Variants in AP3D1 observed in about 807,000 individuals in gnomAD.
AP3D1 encodes AP-3 complex subunit delta-1.
Under a neutral mutation model 147.6 loss-of-function variants are expected in AP3D1, and 51 were observed. The ratio of observed to expected loss-of-function variants is 0.35; its 90% confidence interval spans 0.28 to 0.44. The LOEUF is 0.44. Among genes scored for constraint, AP3D1 ranks in the 20% least tolerant of loss-of-function variants. The pLI, the probability that AP3D1 is intolerant of heterozygous loss-of-function variation, is 1.00. For synonymous variants in AP3D1, 760 were observed against 663.0 expected (o/e 1.15, Z -2.25); for missense variants, 1,421 against 1,624.2 (o/e 0.87, Z 2.15).
At chr19:2,104,310 GCAGACCCCAACACC>G (rs1264836086) in intron 31 of AP3D1, among the ~76,000 whole-genome samples, 5 of 61,328 alleles carry the variant, frequency 8.2e-5, no homozygotes, top group East Asian at 3.8e-4. Context: ...ACACCAACAC[GCAGACCCCAACACC>G]CAGACCCCAA....
At chr19:2,150,362 G>A (rs1240490270) in intron 1 of AP3D1, among the ~76,000 whole-genome samples, 2 of 152,220 alleles carry the variant, frequency 1.3e-5, no homozygotes, top group East Asian at 1.9e-4. Context: ...AATGAAGCCA[G>A]ACACGTGGTG....
intron 31 of AP3D1, among the ~76,000 whole-genome samples, chr19:2,107,672 G>A (rs2018149741): frequency 6.6e-6 from 1 of 151,540 alleles, no homozygotes; most frequent in Non-Finnish European, 1.5e-5. Context: ...CCAGGGAGGC[G>A]GAGCTTGCAG....
Position 2,120,941 on chromosome 19 carries a change from G to C in AP3D1, c.1402C>G (p.Leu468Val). 1.2e-6 allele frequency: 2 copies of C among 1,612,058 alleles called. No homozygotes were observed. The highest frequency in any genetic ancestry group is 8.5e-7 in the Non-Finnish European group (1 of 1,180,014). Residue 468 changes from leucine to valine, a missense_variant, in exon 14 of 32, where the codon CTG becomes GTG. This residue lies in a region of AP3D1 where 310 missense variants were observed against 388.1 expected (regional missense o/e 0.80). Transcript: ENST00000643116. ...TTCCGCTGGGTGCTGCTGGCCAGCA[G>C]GTGTGCACTGTCAAGCAGCGCAGAC... ...QMSALLDSAHLLASSTQRNGI... is the reference protein window; with the variant it reads ...QMSALLDSAHVLASSTQRNGI...
In AP3D1 at chr19:2,129,306, G is replaced by A. The variant is rs750838167; in HGVS notation, c.732+12C>T. 4 of 1,613,740 alleles carry A rather than the reference G, an allele frequency of 2.5e-6. No homozygotes were observed. The Admixed American group carries it at 5.0e-5, about 20-fold the overall frequency. Reference sequence around the variant, plus strand: ...ACAGGGTGAGGAGGCCACATTCCCGGGCAGTACTTGCCAGCTTGATGATCT... The same window carrying A: ...ACAGGGTGAGGAGGCCACATTCCCGAGCAGTACTTGCCAGCTTGATGATCT... On this transcript the variant is annotated intron_variant, in intron 7 of 31. Transcript: ENST00000643116.
chr19:2,116,577 G>T (rs1474374705), intron 17 of AP3D1, 28 bp downstream of exon 17: 8 of 1,553,608 alleles, frequency 5.1e-6, no homozygotes, highest in Non-Finnish European at 6.9e-6. Context: ...AGGAGACGAG[G>T]GCTCGCCAGG....
rs1023619216 is a variant in AP3D1 at position 2,129,881 on chromosome 19, G to T, written c.593-424C>A. Among the ~76,000 whole-genome samples, 5 of 152,276 alleles carry T rather than the reference G, an allele frequency of 3.3e-5. No homozygotes were observed. The East Asian group carries it at 9.6e-4, about 29-fold the overall frequency. On this transcript the variant is annotated intron_variant, in intron 6 of 31. Transcript: ENST00000643116. ...ATCGGGTCCCGGGCTTAGGGCTGGG[G>T]TCTCCCCTCCTGCACACAGGGCCTT...
upstream of AP3D1, among the ~76,000 whole-genome samples, chr19:2,154,491 A>ATGG (rs2019629493): frequency 6.6e-6 from 1 of 151,912 alleles, no homozygotes; most frequent in South Asian, 2.1e-4. Flanking sequence ...GTTGGCCAGG[A>ATGG]TGGTCTCGAT....
chr19:2,156,622 G>A (rs187878341), intron 1 of AP3D1, among the ~76,000 whole-genome samples: 2,080 of 152,006 alleles, frequency 0.014, 31 homozygotes, highest in Middle Eastern at 0.027. Flanking sequence ...AGGTTGAGGC[G>A]GGTGGATCAT....
chr19:2,141,157 T>C (rs999815436), intron 1 of AP3D1, among the ~76,000 whole-genome samples: 1 of 152,178 alleles, frequency 6.6e-6, no homozygotes, highest in African/African-American at 2.4e-5. Context: ...GAAGCTATAA[T>C]GTGGCTATAC....
intron 2 of AP3D1, among the ~76,000 whole-genome samples, chr19:2,138,198 G>A (rs1408120588): frequency 6.6e-6 from 1 of 152,216 alleles, no homozygotes; most frequent in African/African-American, 2.4e-5. Context: ...CGGGCCAGAG[G>A]GAGGAGTGCC....
chr19:2,129,192 C>T (rs2018862110), intron 7 of AP3D1, 29 bp from the exon 8 acceptor site: 4 of 1,606,890 alleles, frequency 2.5e-6, no homozygotes, highest in African/African-American at 1.4e-5. Flanking sequence ...CTCGGTCACC[C>T]GCAGGGAATG....
intron 1 of AP3D1, among the ~76,000 whole-genome samples, chr19:2,145,357 C>T (rs981235494): frequency 4.6e-5 from 7 of 152,342 alleles, no homozygotes; most frequent in Non-Finnish European, 1.0e-4. Flanking sequence ...CTCACTGCCA[C>T]GTGGACAAAT....
upstream of AP3D1, among the ~76,000 whole-genome samples, chr19:2,155,781 G>A (rs891200133): frequency 6.6e-6 from 1 of 152,092 alleles, no homozygotes; most frequent in South Asian, 2.1e-4. Flanking sequence ...GGCCGGGCGC[G>A]GTGGCTCACG....
intron 1 of AP3D1, among the ~76,000 whole-genome samples, chr19:2,139,966 G>T (rs1017772204): frequency 6.6e-6 from 1 of 152,020 alleles, no homozygotes; most frequent in South Asian, 2.1e-4. Context: ...GTGGGGGAGT[G>T]GGGGGGTGGG....
At chr19:2,164,323 G>C (rs1300548492) in intron 1 of AP3D1, 5 of 1,192,570 alleles carry the variant, frequency 4.2e-6, no homozygotes, top group South Asian at 8.3e-5. Flanking sequence ...GCCGCCCCTG[G>C]GGACACCCCA....
intron 8 of AP3D1, among the ~76,000 whole-genome samples, chr19:2,128,256 A>G (rs1210613168): frequency 6.6e-6 from 1 of 152,104 alleles, no homozygotes; most frequent in African/African-American, 2.4e-5. Flanking sequence ...CCATTCCACA[A>G]CCTTGCAGTG....
At chr19:2,126,917 G>T (rs2145093916) in intron 9 of AP3D1, among the ~76,000 whole-genome samples, 1 of 152,238 alleles carries the variant, frequency 6.6e-6, no homozygotes. Flanking sequence ...GGCAGCTTAA[G>T]AAGCAAACAC....
At chr19:2,139,860 A>C (rs2019173571) in intron 1 of AP3D1, among the ~76,000 whole-genome samples, 1 of 152,102 alleles carries the variant, frequency 6.6e-6, no homozygotes, top group Admixed American at 6.5e-5. Context: ...GCTGGCCTCG[A>C]AGCAGCCCCA....
At chr19:2,118,958 G>A in intron 14 of AP3D1, 126 bp from the exon 15 acceptor site, 1 of 854,242 alleles carries the variant, frequency 1.2e-6, no homozygotes, top group South Asian at 1.8e-5. Context: ...CATTCCCTGA[G>A]CGGTCTCCAG....
Sources: gnomAD v4.1 joint callset for allele counts (sites outside exome capture counted in the v4.1 genomes callset) on GRCh38, gnomAD v4.1.1 for gene constraint, gnomAD v4.1.1 regional missense constraint, MANE v1.5 for transcripts, NCBI Gene and HGNC (gene_info 2026-07-23, HGNC 2026-07-21) for gene names.